Variants in CPEB3 observed in about 807,000 individuals in gnomAD.
CPEB3 encodes cytoplasmic polyadenylation element binding protein 3.
Under a neutral mutation model 67.2 loss-of-function variants are expected in CPEB3, and 20 were observed. That is an observed-to-expected ratio of 0.30 (90% CI 0.21 to 0.43). CPEB3 has a LOEUF of 0.43. CPEB3 is among the 20% of genes least tolerant of loss of function. The pLI, the probability that CPEB3 is intolerant of heterozygous loss-of-function variation, is 1.00. For missense variants in CPEB3, 746 were observed against 968.6 expected, an observed-to-expected ratio of 0.77 and a Z score of 3.05; for synonymous variants, 376 against 393.1, an observed-to-expected ratio of 0.96 and a Z score of 0.51.
intron 6 of CPEB3, among the ~76,000 whole-genome samples, chr10:92,128,220 A>G (rs982233715): frequency 3.9e-5 from 6 of 152,216 alleles, no homozygotes; most frequent in African/African-American, 9.6e-5. Flanking sequence ...ACTTCTAATA[A>G]CCCTTCAGAA....
rs192092125 is a variant in CPEB3, at chr10:92,227,827, G to A, written c.1005+11519C>T. ...AGGATGGTCTCGATCTCCTGACCTC[G>A]TGATCCACCCGCCTTGGCCTCCCAA... On this transcript the variant is annotated intron_variant, in intron 2 of 9. Transcript: ENST00000265997. Among the ~76,000 whole-genome samples, 13 of 151,892 alleles carry A rather than the reference G, an allele frequency of 8.6e-5. No individual in the cohort carries two copies. In the East Asian group the frequency reaches 2.1e-3, roughly 25 times the overall value.
chr10:92,216,365 G>C (rs960351334), intron 2 of CPEB3: 13 of 1,610,918 alleles, frequency 8.1e-6, no homozygotes. Flanking sequence ...CGAAGGGCCC[G>C]AGGCTCAGGC....
intron 7 of CPEB3, among the ~76,000 whole-genome samples, chr10:92,105,077 T>A (rs1369692701): frequency 1.3e-5 from 2 of 151,966 alleles, no homozygotes; most frequent in Admixed American, 6.6e-5. Context: ...CAAACCACAA[T>A]TTAGACCAAG....
chr10:92,226,434 C>T (rs566311958), intron 2 of CPEB3, among the ~76,000 whole-genome samples: 1 of 152,304 alleles, frequency 6.6e-6, no homozygotes, highest in South Asian at 2.1e-4. Flanking sequence ...CTGGTAGAAA[C>T]CAGCTAAACG....
intron 9 of CPEB3, among the ~76,000 whole-genome samples, chr10:92,062,034 G>A (rs1050552793): frequency 1.9e-4 from 29 of 152,118 alleles, no homozygotes; most frequent in African/African-American, 5.8e-4. Context: ...TTGAGGTCAG[G>A]AGTTTGAGAC....
At chr10:92,146,345 C>T (rs932210052) in intron 4 of CPEB3, among the ~76,000 whole-genome samples, 1 of 151,840 alleles carries the variant, frequency 6.6e-6, no homozygotes, top group African/African-American at 2.4e-5. Flanking sequence ...CCTAGCAAAA[C>T]TTTCCACTAG....
At chr10:92,057,269 A>C (rs984419840) in intron 9 of CPEB3, among the ~76,000 whole-genome samples, 12 of 152,194 alleles carry the variant, frequency 7.9e-5, no homozygotes, top group Non-Finnish European at 1.5e-4. Flanking sequence ...GGCAGTACTT[A>C]CCACGAGCTG....
At chr10:92,215,595 C>T (rs557713444) in intron 2 of CPEB3, among the ~76,000 whole-genome samples, 1 of 151,204 alleles carries the variant, frequency 6.6e-6, no homozygotes, top group East Asian at 1.9e-4. Context: ...GCGCCCACCA[C>T]TACGCCCAGC....
chr10:92,087,896 T>C (rs886774616), intron 8 of CPEB3, among the ~76,000 whole-genome samples: 4 of 152,174 alleles, frequency 2.6e-5, no homozygotes, highest in Non-Finnish European at 4.4e-5. Flanking sequence ...TACCCTGTAC[T>C]GACTCTAAAG....
chr10:92,082,143 C>T (rs1019844599), intron 8 of CPEB3, among the ~76,000 whole-genome samples: 6 of 152,204 alleles, frequency 3.9e-5, no homozygotes, highest in Admixed American at 3.3e-4. Flanking sequence ...TTACTGAGCA[C>T]TTACAACCTA....
intron 1 of CPEB3, among the ~76,000 whole-genome samples, chr10:92,262,203 G>A (rs1451011212): frequency 6.6e-6 from 1 of 152,150 alleles, no homozygotes; most frequent in Non-Finnish European, 1.5e-5. Context: ...GCTGCTAACA[G>A]ATCACGATAT....
chr10:92,199,928 A>AT (rs1361494072), intron 2 of CPEB3, among the ~76,000 whole-genome samples: 1 of 151,248 alleles, frequency 6.6e-6, no homozygotes, highest in Admixed American at 6.6e-5. Flanking sequence ...AGAGAGAATT[A>AT]TTTTAAAATG....
chr10:92,097,554 T>C (rs1214886232), intron 7 of CPEB3, among the ~76,000 whole-genome samples: 1 of 152,200 alleles, frequency 6.6e-6, no homozygotes, highest in Non-Finnish European at 1.5e-5. Context: ...AAAGGCAAAA[T>C]CTTTTTAGGA....
At chr10:92,251,579 C>G (rs1253391518) in intron 1 of CPEB3, among the ~76,000 whole-genome samples, 1 of 152,094 alleles carries the variant, frequency 6.6e-6, no homozygotes, top group Admixed American at 6.6e-5. Flanking sequence ...AAAAGATGGT[C>G]TTTTCAATAA....
At chr10:92,163,695 A>G (rs983733165) in intron 4 of CPEB3, among the ~76,000 whole-genome samples, 31 of 152,258 alleles carry the variant, frequency 2.0e-4, no homozygotes, top group African/African-American at 7.0e-4. Flanking sequence ...TGCTCCTCCT[A>G]TATCTTTGAC....
intron 1 of CPEB3, among the ~76,000 whole-genome samples, chr10:92,250,557 T>C (rs1852249681): frequency 6.6e-6 from 1 of 152,168 alleles, no homozygotes. Flanking sequence ...TATAGTAAAA[T>C]CCTACGCCTT....
chr10:92,278,866 T>C (rs1334294471), intron 1 of CPEB3, among the ~76,000 whole-genome samples: 1 of 152,138 alleles, frequency 6.6e-6, no homozygotes, highest in Non-Finnish European at 1.5e-5. Context: ...CCCAAAGTGC[T>C]GGGATTACAG....
At chr10:92,087,947 C>T (rs1031564175) in intron 8 of CPEB3, among the ~76,000 whole-genome samples, 2 of 152,120 alleles carry the variant, frequency 1.3e-5, no homozygotes, top group Non-Finnish European at 2.9e-5. Flanking sequence ...GGTGAGTCTA[C>T]TTACAGGCTT....
chr10:92,117,546 G>A (rs570525718), intron 6 of CPEB3, among the ~76,000 whole-genome samples: 2 of 150,864 alleles, frequency 1.3e-5, no homozygotes, highest in Non-Finnish European at 3.0e-5. Context: ...TAGCCAGGGT[G>A]GTCTCGATCT....
Sources: allele counts gnomAD v4.1 joint callset (sites outside exome capture counted in the v4.1 genomes callset), GRCh38; gene constraint gnomAD v4.1.1; transcripts MANE v1.5; gene names NCBI Gene and HGNC (gene_info 2026-07-23, HGNC 2026-07-21).